ENOX1: variants seen among roughly 807,000 people sequenced by gnomAD.
ENOX1 encodes candidate growth-related and time keeping constitutive hydroquinone (NADH) oxidase.
In ENOX1, 42 loss-of-function variants were observed where a neutral mutation model predicts 82.5. The ratio of observed to expected loss-of-function variants is 0.51; its 90% CI spans 0.40 to 0.66. The LOEUF is 0.66. ENOX1 is among the 30% of genes least tolerant of loss of function. ENOX1 has a pLI of 0.00. For missense variants in ENOX1, 608 were observed against 811.6 expected, an observed-to-expected ratio of 0.75 and a Z score of 3.05; for synonymous variants, 271 against 282.2, an observed-to-expected ratio of 0.96 and a Z score of 0.40.
chr13:43,372,755 A>C (rs2051326329), intron 5 of ENOX1, among the ~76,000 whole-genome samples: 1 of 152,236 alleles, frequency 6.6e-6, no homozygotes, highest in Non-Finnish European at 1.5e-5. Flanking sequence ...TAGTGAATTA[A>C]GGGAAAAAGG....
intron 2 of ENOX1, among the ~76,000 whole-genome samples, chr13:43,510,780 C>T (rs2153674519): frequency 6.6e-6 from 1 of 152,134 alleles, no homozygotes. Flanking sequence ...GCTTAATTTC[C>T]TTATATGTAA....
chr13:43,358,684 T>C (rs1441967882), intron 7 of ENOX1, among the ~76,000 whole-genome samples: 1 of 152,208 alleles, frequency 6.6e-6, no homozygotes, highest in African/African-American at 2.4e-5. Context: ...TTATTCCTCC[T>C]CACAGTCCTA....
intron 5 of ENOX1, among the ~76,000 whole-genome samples, chr13:43,406,291 C>T (rs192865801): frequency 5.3e-5 from 8 of 152,228 alleles, no homozygotes; most frequent in African/African-American, 1.9e-4. Flanking sequence ...AGATAGAAAG[C>T]TAAGTTCTTC....
At chr13:43,674,917 T>TA (rs1352572333) in intron 1 of ENOX1, among the ~76,000 whole-genome samples, 1 of 152,136 alleles carries the variant, frequency 6.6e-6, no homozygotes, top group Non-Finnish European at 1.5e-5. Context: ...ATAAAGTCTT[T>TA]AAAATCCTTA....
chr13:43,426,386 A>G (rs1323160), intron 3 of ENOX1, among the ~76,000 whole-genome samples: 117,414 of 152,154 alleles, frequency 0.77, 45,554 homozygotes, highest in East Asian at 0.98. Context: ...GGGAACTGCA[A>G]TATATTGCTA....
chr13:43,330,573 C>G (rs1392359006), intron 9 of ENOX1, among the ~76,000 whole-genome samples: 1 of 152,130 alleles, frequency 6.6e-6, no homozygotes, highest in African/African-American at 2.4e-5. Context: ...TCTTTCCCCC[C>G]CAATTCTGTG....
intron 2 of ENOX1, among the ~76,000 whole-genome samples, chr13:43,558,285 C>G (rs531404590): frequency 2.0e-5 from 3 of 152,194 alleles, no homozygotes; most frequent in Non-Finnish European, 4.4e-5. Flanking sequence ...GAAAGGCCAT[C>G]AGCTGTTGTG....
chr13:43,611,149 T>C (rs924484371), intron 2 of ENOX1, among the ~76,000 whole-genome samples: 1 of 152,158 alleles, frequency 6.6e-6, no homozygotes, highest in African/African-American at 2.4e-5. Context: ...TGTGGAAAGC[T>C]AAGTTAACAG....
intron 2 of ENOX1, among the ~76,000 whole-genome samples, chr13:43,648,235 T>C (rs768322997): frequency 1.3e-5 from 2 of 152,210 alleles, no homozygotes; most frequent in African/African-American, 2.4e-5. Context: ...AAAGCATGTA[T>C]TTACTCACCA....
intron 12 of ENOX1, among the ~76,000 whole-genome samples, chr13:43,283,410 C>T (rs766914261): frequency 2.0e-4 from 31 of 151,530 alleles, no homozygotes; most frequent in Non-Finnish European, 3.7e-4. Flanking sequence ...TATTTTTATT[C>T]TTTGTATTAT....
rs527976895 is a variant in ENOX1, at chr13:43,698,168, G to A, written c.-284-30624C>T. Among the ~76,000 whole-genome samples the A allele has an allele frequency of 2.8e-4, 42 of 152,238 alleles. 1 individual carries two copies. In the South Asian group the frequency reaches 8.5e-3, roughly 31 times the overall value. On this transcript the variant is annotated intron_variant, in intron 1 of 16. Transcript: ENST00000690772. ...CATCAGGGAATCCCTTTGTGTCACT[G>A]GTTTTCACCTAAAATTTTACTTTAC...
chr13:43,233,234 T>C (rs1049249767), intron 15 of ENOX1, among the ~76,000 whole-genome samples: 1 of 152,160 alleles, frequency 6.6e-6, no homozygotes, highest in African/African-American at 2.4e-5. Context: ...TCAACCTGTC[T>C]CCACAAAAAT....
At position 43,360,019 on chromosome 13, in the gene ENOX1, AC is replaced by A; in HGVS notation, c.420del (p.Cys141ValfsTer62). 2 of 1,614,232 alleles carry A rather than the reference AC, an allele frequency of 1.2e-6. No individual in the cohort carries two copies. Among genetic ancestry groups the A allele is most frequent in the Non-Finnish European group, 1.7e-6 (2 of 1,180,030 alleles). On this transcript the variant is annotated frameshift_variant, in exon 7 of 17. Transcript: ENST00000690772. LOFTEE classifies it high-confidence loss of function. ...PPPSTRERPP[G>X]CKTVFVGGLP... is the part of the protein sequence containing the mutation. ...AATCCTCCGACAAACACGGTCTTAC[AC>A]CCAGGAGGTCGTTCTCTTGTGGAAG... is the stretch of plus-strand genomic sequence containing the variant.
intron 8 of ENOX1, among the ~76,000 whole-genome samples, chr13:43,349,585 T>C (rs547486840): frequency 6.6e-6 from 1 of 152,318 alleles, no homozygotes; most frequent in East Asian, 1.9e-4. Flanking sequence ...CTTTGCTATA[T>C]TCTAAGACCA....
chr13:43,636,148 A>T (rs2083406004), intron 2 of ENOX1, among the ~76,000 whole-genome samples: 1 of 152,122 alleles, frequency 6.6e-6, no homozygotes, highest in Non-Finnish European at 1.5e-5. Flanking sequence ...TAACTAAGAG[A>T]CAACAAGTGG....
chr13:43,622,247 G>T (rs9567238), intron 2 of ENOX1, among the ~76,000 whole-genome samples: 1 of 151,972 alleles, frequency 6.6e-6, no homozygotes, highest in Non-Finnish European at 1.5e-5. Context: ...TTTCAGGTAA[G>T]TCAGGGATTT....
intron 9 of ENOX1, among the ~76,000 whole-genome samples, chr13:43,333,737 C>T (rs1284420389): frequency 6.6e-6 from 1 of 152,236 alleles, no homozygotes; most frequent in Non-Finnish European, 1.5e-5. Context: ...ATTCTTCAGC[C>T]TCAGCCTTCC....
chr13:43,410,285 A>G (rs2054043576), intron 5 of ENOX1, among the ~76,000 whole-genome samples: 1 of 152,112 alleles, frequency 6.6e-6, no homozygotes, highest in African/African-American at 2.4e-5. Flanking sequence ...GGGTGGAAAA[A>G]TAGAAATCTT....
intron 3 of ENOX1, among the ~76,000 whole-genome samples, chr13:43,468,184 C>CTTTTTTTTTTTTTTTTTTTTT (rs113334472): frequency 6.7e-6 from 1 of 150,130 alleles, no homozygotes; most frequent in Non-Finnish European, 1.5e-5. Flanking sequence ...TCATAAATTC[C>CTTTTTTTTTTTTTTTTTTTTT]TTTTTTTTTC....
Sources: allele counts gnomAD v4.1 joint callset (sites outside exome capture counted in the v4.1 genomes callset), GRCh38; gene constraint gnomAD v4.1.1; transcripts MANE v1.5; gene names NCBI Gene and HGNC (gene_info 2026-07-23, HGNC 2026-07-21).